DBX2: variants seen among roughly 807,000 people sequenced by gnomAD.
DBX2 encodes developing brain homeobox 2.
DBX2 carries 16 observed loss-of-function variants against 17.7 expected under a neutral mutation model. The ratio of observed to expected loss-of-function variants is 0.90; its 90% confidence interval spans 0.61 to 1.37. The LOEUF (loss-of-function observed/expected upper bound fraction) is 1.37, where lower values mean the gene tolerates loss of function less well. Among genes scored for constraint, DBX2 ranks in the 40% most tolerant of loss-of-function variants. The pLI is 0.00. For missense variants in DBX2, 538 were observed against 433.8 expected (o/e 1.24, Z -2.13); for synonymous variants, 255 against 183.8 (o/e 1.39, Z -3.13).
At chr12:45,018,087 T>A (rs1042666583) in intron 3 of DBX2, among the ~76,000 whole-genome samples, 77 of 152,286 alleles carry the variant, frequency 5.1e-4, no homozygotes, top group African/African-American at 1.8e-3. Flanking sequence ...TACAACACCA[T>A]GATTAAGGCT....
At chr12:45,032,555 CT>C (rs1196419075) in intron 2 of DBX2, among the ~76,000 whole-genome samples, 2 of 152,166 alleles carry the variant, frequency 1.3e-5, no homozygotes, top group African/African-American at 4.8e-5. Flanking sequence ...AATAATGTCC[CT>C]TCCTTTCTGC....
In DBX2 at chr12:45,050,719, C is replaced by G; in HGVS notation, c.209G>C (p.Gly70Ala). ...HDPATALATAGAQLRPLPASP... is the reference protein window; with the variant it reads ...HDPATALATAAAQLRPLPASP... ...AGCAGGCAGGGGCCGGAGCTGCGCGCCCGCGGTGGCCAGGGCGGTCGCCGG... is the reference window on the plus strand; with the variant it reads ...AGCAGGCAGGGGCCGGAGCTGCGCGGCCGCGGTGGCCAGGGCGGTCGCCGG... The change falls in exon 1 of 4, where the codon GGC (glycine) becomes GCC (alanine). Residue 70 changes from glycine to alanine, a missense_variant. Transcript: ENST00000332700. 6.0e-6 allele frequency: 9 copies of G among 1,489,790 alleles called. No individual in the cohort carries two copies. Among genetic ancestry groups the G allele is most frequent in the Non-Finnish European group, 8.0e-6 (9 of 1,122,932 alleles). The allele number at this position is 1,489,790 out of a possible 1,614,324, so 92.3% of individuals were successfully genotyped here. A position where few individuals can be genotyped will look rare whatever the true frequency, so the allele number is the denominator to read the frequency against.
At chr12:45,031,225 T>TGTGTGTGTGTGTGTGTGA (rs1377897653) in intron 2 of DBX2, among the ~76,000 whole-genome samples, 20 of 85,654 alleles carry the variant, frequency 2.3e-4, no homozygotes, top group African/African-American at 7.4e-4. Flanking sequence ...TGTGTGTGTG[T>TGTGTGTGTGTGTGTGTGA]GAGAGAGAGA....
chr12:45,016,861 G>A (rs1423183072), intron 3 of DBX2, among the ~76,000 whole-genome samples: 1 of 151,962 alleles, frequency 6.6e-6, no homozygotes, highest in Non-Finnish European at 1.5e-5. Flanking sequence ...TCAGCTCACT[G>A]CAACCTCCGC....
Position 45,028,267 on chromosome 12 carries a change from T to C in DBX2, c.500-4373A>G, listed in dbSNP as rs545312145. Among the ~76,000 whole-genome samples, 4 of 152,304 alleles carry C rather than the reference T, an allele frequency of 2.6e-5. No homozygotes were observed. The South Asian group carries it at 6.2e-4, about 24-fold the overall frequency. On this transcript the variant is annotated intron_variant, in intron 2 of 3. Transcript: ENST00000332700. ...TCTGAAACAAGTTTAGGTTATAACT[T>C]GTGAAGGGAAGCCTTGCAAGAAGGA...
intron 2 of DBX2, among the ~76,000 whole-genome samples, chr12:45,029,401 T>C (rs1412680800): frequency 1.3e-5 from 2 of 152,212 alleles, no homozygotes; most frequent in African/African-American, 4.8e-5. Flanking sequence ...CCTCGTTGTT[T>C]ACAGGAAAAA....
chr12:45,028,566 T>C (rs1946393700), intron 2 of DBX2, among the ~76,000 whole-genome samples: 1 of 152,170 alleles, frequency 6.6e-6, no homozygotes, highest in Admixed American at 6.5e-5. Flanking sequence ...TCCTAATAAG[T>C]TGTTTTTAAG....
chr12:45,031,136 C>G (rs1946406780), intron 2 of DBX2, among the ~76,000 whole-genome samples: 1 of 151,238 alleles, frequency 6.6e-6, no homozygotes. Flanking sequence ...TTCCTACCTC[C>G]TATCTTTCAG....
intron 2 of DBX2, among the ~76,000 whole-genome samples, chr12:45,025,327 G>A (rs1946375802): frequency 1.3e-5 from 2 of 152,106 alleles, no homozygotes; most frequent in South Asian, 4.2e-4. Flanking sequence ...AATGCAGGCA[G>A]CCTCAAGAAG....
intron 2 of DBX2, among the ~76,000 whole-genome samples, chr12:45,030,143 A>G (rs1946401883): frequency 6.6e-6 from 1 of 152,182 alleles, no homozygotes; most frequent in Non-Finnish European, 1.5e-5. Flanking sequence ...TGGACAATCT[A>G]GTGATCATCA....
chr12:45,041,135 A>T (rs1946469035), intron 1 of DBX2, among the ~76,000 whole-genome samples: 1 of 148,270 alleles, frequency 6.7e-6, no homozygotes, highest in Non-Finnish European at 1.5e-5. Flanking sequence ...TTAATAAATT[A>T]ATTAAAACTA....
intron 2 of DBX2, among the ~76,000 whole-genome samples, chr12:45,024,946 T>A (rs1324310027): frequency 6.6e-6 from 1 of 152,242 alleles, no homozygotes; most frequent in Non-Finnish European, 1.5e-5. Flanking sequence ...TTCTGCCTTT[T>A]TGTGCCTAGC....
chr12:45,022,804 T>C (rs945691804), intron 3 of DBX2, among the ~76,000 whole-genome samples: 1 of 152,210 alleles, frequency 6.6e-6, no homozygotes, highest in African/African-American at 2.4e-5. Context: ...CAGCCGCCAC[T>C]ATCCCTTTTG....
At chr12:45,025,657 C>T (rs1946377405) in intron 2 of DBX2, among the ~76,000 whole-genome samples, 2 of 150,862 alleles carry the variant, frequency 1.3e-5, no homozygotes, top group South Asian at 2.1e-4. Context: ...ACCAGGAAGG[C>T]AGCTACTATG....
intron 1 of DBX2, among the ~76,000 whole-genome samples, chr12:45,043,404 C>G (rs1946482409): frequency 6.7e-6 from 1 of 150,120 alleles, no homozygotes; most frequent in Non-Finnish European, 1.5e-5. Context: ...TTGGAAGTAT[C>G]AGAATGTCCA....
chr12:45,020,671 A>ATATG (rs1362525747), intron 3 of DBX2, among the ~76,000 whole-genome samples: 1 of 87,000 alleles, frequency 1.1e-5, no homozygotes, highest in East Asian at 5.0e-4. Flanking sequence ...ATATGTATAT[A>ATATG]TATGTATATA....
intron 2 of DBX2, among the ~76,000 whole-genome samples, chr12:45,024,665 A>C (rs893701494): frequency 6.6e-6 from 1 of 152,342 alleles, no homozygotes; most frequent in Admixed American, 6.5e-5. Flanking sequence ...CACATTGAGA[A>C]ATAAGACAGG....
intron 3 of DBX2, among the ~76,000 whole-genome samples, chr12:45,016,863 A>G (rs1445749869): frequency 6.6e-6 from 1 of 152,056 alleles, no homozygotes; most frequent in African/African-American, 2.4e-5. Flanking sequence ...AGCTCACTGC[A>G]ACCTCCGCCA....
At chr12:45,049,056 T>C (rs1946515267) in intron 1 of DBX2, among the ~76,000 whole-genome samples, 1 of 152,226 alleles carries the variant, frequency 6.6e-6, no homozygotes, top group Non-Finnish European at 1.5e-5. Flanking sequence ...TTAGGGTTAT[T>C]GAAATAACTG....
Sources: allele counts gnomAD v4.1 joint callset (sites outside exome capture counted in the v4.1 genomes callset), GRCh38; gene constraint gnomAD v4.1.1; transcripts MANE v1.5; gene names NCBI Gene and HGNC (gene_info 2026-07-23, HGNC 2026-07-21).